The following UGGT2 variants were observed in gnomAD, a reference collection of about 807,000 sequenced individuals.
The protein encoded by UGGT2 is UDP-glucose glycoprotein glucosyltransferase 2.
UGGT2 carries 180 observed loss-of-function variants against 192.1 expected under a neutral mutation model. The ratio of observed to expected loss-of-function variants is 0.94; its 90% CI spans 0.83 to 1.06. UGGT2 has a LOEUF of 1.06. UGGT2 is among the 50% of genes least tolerant of loss of function. The pLI is 0.00. For missense variants in UGGT2, 1,849 were observed against 1,795.7 expected, an observed-to-expected ratio of 1.03 and a Z score of -0.54; for synonymous variants, 580 against 591.0, an observed-to-expected ratio of 0.98 and a Z score of 0.27.
chr13:95,930,850 T>C (rs1450496821), intron 17 of UGGT2, among the ~76,000 whole-genome samples: 3 of 152,286 alleles, frequency 2.0e-5, no homozygotes, highest in Non-Finnish European at 4.4e-5. Context: ...GGGTTGGTGG[T>C]CTCGCTGGCT....
chr13:95,925,504 GT>G (rs955292000), intron 20 of UGGT2, among the ~76,000 whole-genome samples, 175 bp downstream of exon 20: 15 of 152,098 alleles, frequency 9.9e-5, no homozygotes, highest in African/African-American at 3.1e-4. Context: ...AAACAGGTAG[GT>G]TTTTCTTTTC....
In UGGT2 at chr13:96,023,617, A is replaced by T; in HGVS notation, c.372+12T>A. 1.2e-6 allele frequency: 2 copies of T among 1,601,476 alleles called. No individual in the cohort carries two copies. Among genetic ancestry groups the T allele is most frequent in the East Asian group, 4.5e-5 (2 of 44,588 alleles). The stretch of plus-strand genomic sequence containing the variant: ...CCTCTTTGTCAAATACAGATTGGGT[A>T]TTTTTACGCACCTGCTGAAACATCT... On this transcript the variant is annotated intron_variant, in intron 3 of 38. Coordinates refer to ENST00000376747, the MANE Select transcript of UGGT2 (RefSeq NM_020121.4).
chr13:95,854,533 T>A, intron 34 of UGGT2, 58 bp from the exon 35 acceptor site: 2 of 1,407,336 alleles, frequency 1.4e-6, no homozygotes, highest in Non-Finnish European at 1.9e-6. Flanking sequence ...AGCCCTTTTT[T>A]ATGGGAATCT....
intron 5 of UGGT2, among the ~76,000 whole-genome samples, chr13:96,000,765 C>T (rs924590643): frequency 7.9e-5 from 12 of 152,026 alleles, no homozygotes; most frequent in Admixed American, 1.3e-4. Context: ...TTCATATTTA[C>T]TTTCCTCATT....
intron 38 of UGGT2, among the ~76,000 whole-genome samples, chr13:95,830,038 C>A (rs906575359): frequency 2.4e-4 from 37 of 152,156 alleles, no homozygotes; most frequent in Admixed American, 5.2e-4. Context: ...GAAAGGATTC[C>A]TTATTTAATA....
chr13:96,022,164 T>C (rs955253686), intron 4 of UGGT2, among the ~76,000 whole-genome samples: 1 of 152,006 alleles, frequency 6.6e-6, no homozygotes, highest in African/African-American at 2.4e-5. Context: ...ATAATATAAA[T>C]ATAATGAATA....
At chr13:95,837,667 C>T (rs1887451003) in intron 36 of UGGT2, among the ~76,000 whole-genome samples, 2 of 152,140 alleles carry the variant, frequency 1.3e-5, no homozygotes. Flanking sequence ...GTAAAGATTG[C>T]TGGCATCTGG....
At chr13:95,983,937 T>G (rs1213365798) in intron 9 of UGGT2, 73 bp from the exon 10 acceptor site, 1 of 967,722 alleles carries the variant, frequency 1.0e-6, no homozygotes, top group Non-Finnish European at 1.4e-6. Flanking sequence ...CCCAATGTAA[T>G]CTAATACTTT....
At chr13:96,018,980 T>C (rs1319627751) in intron 4 of UGGT2, among the ~76,000 whole-genome samples, 1 of 151,160 alleles carries the variant, frequency 6.6e-6, no homozygotes, top group Non-Finnish European at 1.5e-5. Context: ...TTACTATACA[T>C]AACCTATGTA....
chr13:95,995,939 T>G, intron 7 of UGGT2, 124 bp downstream of exon 7: 2 of 774,372 alleles, frequency 2.6e-6, no homozygotes, highest in Non-Finnish European at 4.3e-6. Flanking sequence ...AACAATCGTA[T>G]GTGTGTGTGT....
Position 96,040,153 on chromosome 13 carries a change from A to C in UGGT2, c.159-8182T>G, listed in dbSNP as rs138348861. 1.4e-3 allele frequency among the ~76,000 whole-genome samples: 211 copies of C among 152,296 alleles called. 1 individual carries two copies. The highest frequency in any genetic ancestry group is 4.7e-3 in the African/African-American group (197 of 41,560). The stretch of plus-strand genomic sequence containing the variant: ...GCAGCACCCAACTTTTTGGTCCAAA[A>C]TCTGTATTAGTTTCCTAGATCTGTT... On this transcript the variant is annotated intron_variant, in intron 1 of 38. Coordinates refer to ENST00000376747, the MANE Select transcript of UGGT2 (RefSeq NM_020121.4).
At chr13:95,877,587 T>C in intron 28 of UGGT2, 111 bp downstream of exon 28, 1 of 1,298,586 alleles carries the variant, frequency 7.7e-7, no homozygotes, top group South Asian at 1.8e-5. Flanking sequence ...AATTTTGTTT[T>C]CTGCAAACTG....
intron 38 of UGGT2, among the ~76,000 whole-genome samples, chr13:95,831,144 G>A (rs1362719451): frequency 6.6e-6 from 1 of 151,996 alleles, no homozygotes; most frequent in Non-Finnish European, 1.5e-5. Context: ...GGGGGTAGGG[G>A]GTGGGATAGC....
intron 5 of UGGT2, among the ~76,000 whole-genome samples, chr13:96,012,725 C>T (rs557822481): frequency 7.3e-6 from 1 of 136,906 alleles, no homozygotes; most frequent in Non-Finnish European, 1.6e-5. Context: ...CCTCTAATGG[C>T]CATTATATTC....
At chr13:95,933,262 T>A (rs1316618048) in intron 17 of UGGT2, among the ~76,000 whole-genome samples, 1 of 152,216 alleles carries the variant, frequency 6.6e-6, no homozygotes, top group Non-Finnish European at 1.5e-5. Flanking sequence ...ATTATGGAAC[T>A]CAGTATCAGT....
At chr13:96,050,809 G>A (rs535349706) in intron 1 of UGGT2, among the ~76,000 whole-genome samples, 19 of 152,224 alleles carry the variant, frequency 1.2e-4, no homozygotes, top group Admixed American at 5.9e-4. Context: ...TTAGAAGGGC[G>A]ATCATTAAAA....
intron 36 of UGGT2, among the ~76,000 whole-genome samples, chr13:95,848,327 T>A (rs1888685521): frequency 6.6e-6 from 1 of 152,238 alleles, no homozygotes; most frequent in African/African-American, 2.4e-5. Flanking sequence ...CAATTATTAC[T>A]TCACGGATCA....
At chr13:95,899,168 C>T (rs993477907) in intron 22 of UGGT2, among the ~76,000 whole-genome samples, 5 of 152,222 alleles carry the variant, frequency 3.3e-5, no homozygotes, top group African/African-American at 1.2e-4. Flanking sequence ...AAGCAGAGAG[C>T]AGCCCTCACC....
intron 24 of UGGT2, among the ~76,000 whole-genome samples, chr13:95,892,364 A>C (rs2047827179): frequency 6.6e-6 from 1 of 151,910 alleles, no homozygotes; most frequent in Non-Finnish European, 1.5e-5. Context: ...ATGCAATATT[A>C]ACAACAAGAT....
Sources: gnomAD v4.1 joint callset for allele counts (sites outside exome capture counted in the v4.1 genomes callset) on GRCh38, gnomAD v4.1.1 for gene constraint, MANE v1.5 for transcripts, NCBI Gene and HGNC (gene_info 2026-07-23, HGNC 2026-07-21) for gene names.